LHFPL3: variants seen among roughly 807,000 people sequenced by gnomAD.
The protein encoded by LHFPL3 is LHFPL tetraspan subfamily member 3 protein.
LHFPL3 carries 5 observed loss-of-function variants against 19.3 expected under a neutral mutation model. That is an observed-to-expected ratio of 0.26 (90% confidence interval 0.14 to 0.54). LHFPL3 has a LOEUF of 0.54. LHFPL3 is among the 20% of genes least tolerant of loss of function. The pLI, the probability that LHFPL3 is intolerant of heterozygous loss-of-function variation, is 0.94. For missense variants in LHFPL3, 249 were observed against 307.4 expected, an observed-to-expected ratio of 0.81 and a Z score of 1.42; for synonymous variants, 133 against 126.2, an observed-to-expected ratio of 1.05 and a Z score of -0.36.
At chr7:104,687,188 AT>A (rs1238043304) in intron 1 of LHFPL3, among the ~76,000 whole-genome samples, 11 of 152,178 alleles carry the variant, frequency 7.2e-5, no homozygotes, top group Non-Finnish European at 1.6e-4. Context: ...CTTTACTTAC[AT>A]TTACCTACTT....
intron 2 of LHFPL3, among the ~76,000 whole-genome samples, chr7:104,737,159 T>C (rs1164964746): frequency 2.0e-5 from 3 of 152,122 alleles, no homozygotes; most frequent in Non-Finnish European, 4.4e-5. Flanking sequence ...ATGCTTTTTT[T>C]TTTCCGGTTT....
intron 2 of LHFPL3, among the ~76,000 whole-genome samples, chr7:104,799,081 G>A (rs897153850): frequency 6.6e-6 from 1 of 152,186 alleles, no homozygotes; most frequent in Non-Finnish European, 1.5e-5. Flanking sequence ...GAATACCTGT[G>A]TAATTTTGAT....
chr7:104,693,713 AAGAC>A (rs1792947296), intron 1 of LHFPL3, among the ~76,000 whole-genome samples: 2 of 150,406 alleles, frequency 1.3e-5, no homozygotes, highest in South Asian at 4.2e-4. Flanking sequence ...TTTTTTTTTA[AAGAC>A]AGAGTCTCAC....
At chr7:104,350,243 C>A (rs1487851222) in intron 1 of LHFPL3, among the ~76,000 whole-genome samples, 2 of 152,154 alleles carry the variant, frequency 1.3e-5, no homozygotes, top group Non-Finnish European at 2.9e-5. Context: ...ACTTCAAATT[C>A]TCAATTAGTC....
chr7:104,673,827 C>T (rs1792533267), intron 1 of LHFPL3, among the ~76,000 whole-genome samples: 1 of 152,162 alleles, frequency 6.6e-6, no homozygotes, highest in Non-Finnish European at 1.5e-5. Context: ...AAGTTAGAGT[C>T]TTAGTTAAAC....
At position 104,765,962 on chromosome 7, in the gene LHFPL3, T is replaced by C. The variant is rs1306442273; in HGVS notation, c.682+29051T>C. Among the ~76,000 whole-genome samples the C allele has an allele frequency of 1.1e-4, 16 of 152,228 alleles. 2 individuals are homozygous for C. The highest frequency in any genetic ancestry group is 1.0e-3 in the Admixed American group (16 of 15,284). ...ACCTCCACACTCCTGACCACTACTA[T>C]GGAATAGTTTTGAAACTTCACCATG... is the stretch of plus-strand genomic sequence containing the variant. On this transcript the variant is annotated intron_variant, in intron 2 of 2. Coordinates refer to ENST00000424859, the MANE Select transcript of LHFPL3 (RefSeq NM_199000.3).
At chr7:104,485,200 G>A (rs1379864003) in intron 1 of LHFPL3, among the ~76,000 whole-genome samples, 2 of 151,958 alleles carry the variant, frequency 1.3e-5, no homozygotes, top group Non-Finnish European at 2.9e-5. Context: ...TCCTAGGCAT[G>A]ATGTTGACTT....
At chr7:104,830,597 C>T (rs917472320) in intron 2 of LHFPL3, among the ~76,000 whole-genome samples, 90 of 151,952 alleles carry the variant, frequency 5.9e-4, no homozygotes, top group Non-Finnish European at 8.7e-4. Context: ...GGAATCCTCT[C>T]CCCATTGCTT....
At chr7:104,871,905 G>C (rs200592928) in intron 2 of LHFPL3, among the ~76,000 whole-genome samples, 1 of 151,942 alleles carries the variant, frequency 6.6e-6, no homozygotes, top group Non-Finnish European at 1.5e-5. Flanking sequence ...TGATCTGCCC[G>C]CCTCGGCCTC....
chr7:104,763,122 T>C (rs773580504), intron 2 of LHFPL3, among the ~76,000 whole-genome samples: 12 of 152,210 alleles, frequency 7.9e-5, no homozygotes, highest in Non-Finnish European at 1.8e-4. Flanking sequence ...TCTATAATCA[T>C]CTCATTTCAC....
chr7:104,430,386 A>ATG (rs1200869852), intron 1 of LHFPL3, among the ~76,000 whole-genome samples: 1,122 of 41,852 alleles, frequency 0.027, 53 homozygotes, highest in African/African-American at 0.046. Flanking sequence ...ATATATACAT[A>ATG]TATATATATA....
chr7:104,870,083 G>A (rs1347381793), intron 2 of LHFPL3, among the ~76,000 whole-genome samples: 2 of 151,550 alleles, frequency 1.3e-5, no homozygotes, highest in South Asian at 2.1e-4. Flanking sequence ...ACACACCGGG[G>A]CCTGCTGTGG....
chr7:104,863,805 G>A (rs1791662411), intron 2 of LHFPL3, among the ~76,000 whole-genome samples: 1 of 152,194 alleles, frequency 6.6e-6, no homozygotes, highest in Admixed American at 6.5e-5. Context: ...CTCCTTCTGT[G>A]ATGCTCCTCA....
chr7:104,885,110 C>T (rs1304953788), intron 2 of LHFPL3, among the ~76,000 whole-genome samples: 1 of 152,204 alleles, frequency 6.6e-6, no homozygotes, highest in African/African-American at 2.4e-5. Flanking sequence ...CTGATCTTTC[C>T]ACTCTACCCC....
chr7:104,778,433 T>A (rs1009220223), intron 2 of LHFPL3, among the ~76,000 whole-genome samples: 1 of 152,132 alleles, frequency 6.6e-6, no homozygotes, highest in African/African-American at 2.4e-5. Context: ...ATTTGACCAC[T>A]CCAGAGACTT....
intron 1 of LHFPL3, among the ~76,000 whole-genome samples, chr7:104,670,452 C>A (rs539713952): frequency 1.1e-4 from 17 of 152,250 alleles, no homozygotes; most frequent in Admixed American, 3.9e-4. Flanking sequence ...TCTATTGAAA[C>A]CTTGAAACTA....
intron 1 of LHFPL3, among the ~76,000 whole-genome samples, chr7:104,504,024 A>G (rs752699837): frequency 1.3e-5 from 2 of 152,206 alleles, no homozygotes; most frequent in Admixed American, 6.5e-5. Flanking sequence ...ATTCTGTACT[A>G]GAGAAGATAG....
At chr7:104,584,110 A>T (rs1349075703) in intron 1 of LHFPL3, among the ~76,000 whole-genome samples, 2 of 152,146 alleles carry the variant, frequency 1.3e-5, no homozygotes, top group African/African-American at 4.8e-5. Flanking sequence ...CATATACACC[A>T]TGGAATACTA....
chr7:104,789,859 T>C (rs1789987895), intron 2 of LHFPL3, among the ~76,000 whole-genome samples: 1 of 152,180 alleles, frequency 6.6e-6, no homozygotes, highest in South Asian at 2.1e-4. Flanking sequence ...GAGTGATCCC[T>C]TTAACAAGAC....
Sources: gnomAD v4.1 joint callset for allele counts (sites outside exome capture counted in the v4.1 genomes callset) on GRCh38, gnomAD v4.1.1 for gene constraint, MANE v1.5 for transcripts, NCBI Gene and HGNC (gene_info 2026-07-23, HGNC 2026-07-21) for gene names.